PYCR2: variants seen among roughly 807,000 people sequenced by gnomAD.
The protein encoded by PYCR2 is pyrroline-5-carboxylate reductase 2.
Under a neutral mutation model 23.4 loss-of-function variants are expected in PYCR2, and 17 were observed. The observed-to-expected ratio is 0.73, with a 90% CI of 0.50 to 1.09. PYCR2 has a LOEUF of 1.09. PYCR2 is among the 50% of genes least tolerant of loss of function. The pLI, the probability that PYCR2 is intolerant of heterozygous loss-of-function variation, is 0.00. For missense variants in PYCR2, 380 were observed against 423.5 expected (o/e 0.90, Z 0.90); for synonymous variants, 172 against 176.6 (o/e 0.97, Z 0.21).
intron 1 of PYCR2, 98 bp from the exon 2 acceptor site, chr1:225,923,869 C>CT (rs1348292571): frequency 1.3e-6 from 2 of 1,548,012 alleles, no homozygotes; most frequent in African/African-American, 2.7e-5. Flanking sequence ...CAGTGCCAGT[C>CT]TCCCTCTCCC....
chr1:225,922,388 A>C lies in PYCR2; in HGVS notation c.139-5T>G. 1 of 1,605,958 alleles carries C rather than the reference A, an allele frequency of 6.2e-7. No homozygotes were observed. ...TGTCAGGTTCACACCCATCTTCTGC[A>C]AGAGGAGACTCCCAGCTCACAGTGC... On this transcript the variant is annotated splice_polypyrimidine_tract_variant and splice_region_variant and intron_variant, in intron 2 of 6. Coordinates refer to ENST00000343818, the MANE Select transcript of PYCR2 (RefSeq NM_013328.4).
At chr1:225,923,892 A>C (rs1363678595) in intron 1 of PYCR2, 121 bp from the exon 2 acceptor site, 2 of 1,492,060 alleles carry the variant, frequency 1.3e-6, no homozygotes, top group Middle Eastern at 1.7e-4. Flanking sequence ...TCAACCCTCT[A>C]CGAGGACAGA....
intron 1 of PYCR2, 27 bp from the exon 2 acceptor site, chr1:225,923,798 G>C (rs1671916031): frequency 6.2e-7 from 1 of 1,613,880 alleles, no homozygotes; most frequent in East Asian, 2.2e-5. Context: ...TTTTCAACTA[G>C]GGGTCGCGGC....
chr1:225,923,972 T>C (rs1671920134), intron 1 of PYCR2, 72 bp downstream of exon 1: 16 of 1,516,578 alleles, frequency 1.1e-5, no homozygotes, highest in Non-Finnish European at 1.4e-5. Context: ...CATTCGCTCA[T>C]GCTGGTGGGA....
Position 225,921,650 on chromosome 1 carries a change from G to GAGAC in PYCR2, c.541-10_541-7dup. 1 of 1,614,180 alleles carries GAGAC rather than the reference G, an allele frequency of 6.2e-7. No individual in the cohort carries two copies. Among genetic ancestry groups the GAGAC allele is most frequent in the South Asian group, 1.1e-5 (1 of 91,088 alleles). ...GCGTCCAGAGCCATGAATGCCTGTG[G>GAGAC]AGACACTCACTAAGCCCCAGGCCAT... On this transcript the variant is annotated splice_region_variant and splice_polypyrimidine_tract_variant and intron_variant, in intron 4 of 6. Transcript: ENST00000343818. The surrounding 1 kb of genome is among the most constrained non-coding windows in gnomAD (Gnocchi z 4.2).
At position 225,920,560 on chromosome 1, in the gene PYCR2, G is replaced by A; in HGVS notation, c.858C>T (p.Leu286=). 6.2e-7 allele frequency: 1 copy of A among 1,608,714 alleles called. No individual in the cohort carries two copies. The highest frequency in any genetic ancestry group is 8.5e-7 in the Non-Finnish European group (1 of 1,175,212). The part of the protein sequence containing the change: ...KISPAALKKT[L]LDRVKLESPT... ...GGGATTCCAGCTTCACTCTGTCTAA[G>A]AGGGTCTTCTTAAGGGCAGCTGGGG... The change falls in exon 7 of 7, where the codon CTC becomes CTT. Residue 286 remains leucine, a synonymous_variant. Coordinates refer to ENST00000343818, the MANE Select transcript of PYCR2 (RefSeq NM_013328.4).
In PYCR2 at chr1:225,924,102, C is replaced by T; in HGVS notation, c.9G>A (p.Val3=). 4 of 1,545,474 alleles carry T rather than the reference C, an allele frequency of 2.6e-6. No individual in the cohort carries two copies. The highest frequency in any genetic ancestry group is 3.5e-6 in the Non-Finnish European group (4 of 1,148,274). The change falls in exon 1 of 7, where the codon GTG becomes GTA. Residue 3 remains valine, a synonymous_variant. Transcript: ENST00000343818. Reference sequence around the variant, plus strand: ...CCAGCTGGCCGGCCCCGATGAAGCCCACGCTCATGGTCCGCGGTTCACGCC... The same window carrying T: ...CCAGCTGGCCGGCCCCGATGAAGCCTACGCTCATGGTCCGCGGTTCACGCC... MS[V]GFIGAGQLAY...
At position 225,921,526 on chromosome 1, in the gene PYCR2, T is replaced by TG; in HGVS notation, c.633+25dup. 6.2e-7 allele frequency: 1 copy of TG among 1,613,280 alleles called. No individual in the cohort carries two copies. The highest frequency in any genetic ancestry group is 1.7e-4 in the Middle Eastern group (1 of 6,060). ...GAACCCCCATTCTACACCCTGGTCCTGAACATGCGGGGGAAAGATACTGAC... is the reference window on the plus strand; with the variant it reads ...GAACCCCCATTCTACACCCTGGTCCTGGAACATGCGGGGGAAAGATACTGAC... On this transcript the variant is annotated intron_variant, in intron 5 of 6. Coordinates refer to ENST00000343818, the MANE Select transcript of PYCR2 (RefSeq NM_013328.4). The surrounding 1 kb of genome is among the most constrained non-coding windows in gnomAD (Gnocchi z 4.2).
intron 2 of PYCR2, chr1:225,923,347 G>A (rs1671901447): frequency 4.6e-6 from 3 of 653,654 alleles, no homozygotes; most frequent in African/African-American, 1.9e-5. Context: ...AGCTGAGATC[G>A]CGCCACTGCA....
chr1:225,922,179 G>A (rs201013764), intron 3 of PYCR2, 25 bp downstream of exon 3: 75 of 1,608,540 alleles, frequency 4.7e-5, no homozygotes, highest in Non-Finnish European at 6.2e-5. Context: ...CCTCACACAA[G>A]GGGCATCAGG....
rs1045988119 is a variant in PYCR2 at position 225,923,586 on chromosome 1, T to C, written c.138+115A>G. On this transcript the variant is annotated intron_variant, in intron 2 of 6. Transcript: ENST00000343818. ...GATTGTCACGTTCCTGGAGTAAAGGTCACCGCCGGCCAAAGACCAGCACTT... is the reference window on the plus strand; with the variant it reads ...GATTGTCACGTTCCTGGAGTAAAGGCCACCGCCGGCCAAAGACCAGCACTT... The C allele has an allele frequency of 2.8e-5, 44 of 1,574,370 alleles. No homozygotes were observed. The African/African-American group carries it at 5.5e-4, about 20-fold the overall frequency.
At chr1:225,922,960 G>A (rs1024828194) in intron 2 of PYCR2, 1 of 943,026 alleles carries the variant, frequency 1.1e-6, no homozygotes, top group South Asian at 4.9e-5. Context: ...TTTGGGTGAA[G>A]ACTTGGAATA....
Position 225,923,611 on chromosome 1 carries a change from T to A in PYCR2, c.138+90A>T, listed in dbSNP as rs114393808. On this transcript the variant is annotated intron_variant, in intron 2 of 6. Transcript: ENST00000343818. The stretch of plus-strand genomic sequence containing the variant: ...TCACCGCCGGCCAAAGACCAGCACT[T>A]GGGCGCAGGGGCCGGCCAGACTCAC... The A allele has an allele frequency of 1.1e-3, 1,843 of 1,602,836 alleles. 15 individuals are homozygous for A. The African/African-American group carries it at 0.02, about 17-fold the overall frequency.
rs558368919 is a variant in PYCR2, at chr1:225,922,557, C to G, written c.139-174G>C. Reference sequence around the variant, plus strand: ...CAAATAATACAGTTTCCCATTGTTGCTACTGGACAAGTAAGCACAGGCTTG... The same window carrying G: ...CAAATAATACAGTTTCCCATTGTTGGTACTGGACAAGTAAGCACAGGCTTG... On this transcript the variant is annotated intron_variant, in intron 2 of 6. Coordinates refer to ENST00000343818, the MANE Select transcript of PYCR2 (RefSeq NM_013328.4). 1.7e-4 allele frequency: 111 copies of G among 644,986 alleles called. No individual in the cohort carries two copies. In the African/African-American group the frequency reaches 1.8e-3, roughly 11 times the overall value. The allele number at this position is 644,986 out of a possible 1,614,324, so 40.0% of individuals were successfully genotyped here. A position where few individuals can be genotyped will look rare whatever the true frequency, so the allele number is the denominator to read the frequency against.
Position 225,922,002 on chromosome 1 carries a change from A to G in PYCR2, c.396T>C (p.Ala132=), listed in dbSNP as rs1671855128. 1 of 1,614,158 alleles carries G rather than the reference A, an allele frequency of 6.2e-7. No individual in the cohort carries two copies. Among genetic ancestry groups the G allele is most frequent in the Non-Finnish European group, 8.5e-7 (1 of 1,180,008 alleles). ...TNTPVVVQEG[A]TVYATGTHAL... is the part of the protein sequence containing the mutation. ...CATGGGTGCCCGTGGCGTACACTGT[A>G]GCGCCTTCCTGCACTACCACAGGTG... The change falls in exon 4 of 7, where the codon GCT becomes GCC. Residue 132 remains alanine, a synonymous_variant. Coordinates refer to ENST00000343818, the MANE Select transcript of PYCR2 (RefSeq NM_013328.4).
chr1:225,923,518 T>C (rs951626008), intron 2 of PYCR2, 183 bp downstream of exon 2: 1 of 1,443,978 alleles, frequency 6.9e-7, no homozygotes, highest in Non-Finnish European at 9.1e-7. Flanking sequence ...TATGTCTCCC[T>C]GGGTGTTCCC....
In PYCR2 at chr1:225,922,227, C is replaced by A. The variant is rs779519111; in HGVS notation, c.295G>T (p.Val99Phe). ...RHIVVSCAAGVTISSVEKKLM... is the reference protein window; with the variant it reads ...RHIVVSCAAGFTISSVEKKLM... The stretch of plus-strand genomic sequence containing the variant: ...ACCTTCTCCACAGAGCTGATGGTGA[C>A]ACCAGCCGCACAGGAGACCACGATG... Residue 99 changes from valine to phenylalanine, a missense_variant, in exon 3 of 7, where the codon GTC (valine) becomes TTC (phenylalanine). Transcript: ENST00000343818. The A allele has an allele frequency of 1.2e-6, 2 of 1,613,902 alleles. No homozygotes were observed.
Sources: allele counts gnomAD v4.1 joint callset, GRCh38; gene constraint gnomAD v4.1.1; non-coding constraint Gnocchi (gnomAD v3.1); transcripts MANE v1.5; gene names NCBI Gene and HGNC (gene_info 2026-07-23, HGNC 2026-07-21).